Variants in ZSCAN5A observed in about 807,000 individuals in gnomAD.
ZSCAN5A encodes zinc finger and SCAN domain containing 5A.
Under a neutral mutation model 23.7 loss-of-function variants are expected in ZSCAN5A, and 12 were observed. The ratio of observed to expected loss-of-function variants is 0.51; its 90% confidence interval spans 0.32 to 0.82. The LOEUF is 0.82. Among genes scored for constraint, ZSCAN5A ranks in the 40% least tolerant of loss-of-function variants. The pLI is 0.03. For synonymous variants in ZSCAN5A, 257 were observed against 239.9 expected (o/e 1.07, Z -0.66); for missense variants, 597 against 617.9 (o/e 0.97, Z 0.36).
intron 2 of ZSCAN5A, chr19:56,322,314 CT>C: frequency 1.1e-6 from 1 of 927,952 alleles, no homozygotes; most frequent in Non-Finnish European, 1.8e-6. Context: ...AAGGCCATTT[CT>C]TAGCCTGAGG....
intron 2 of ZSCAN5A, among the ~76,000 whole-genome samples, chr19:56,231,991 C>CTTTTGTTTTTT (rs1357492276): frequency 2.9e-5 from 1 of 34,340 alleles, no homozygotes; most frequent in Non-Finnish European, 6.1e-5. Context: ...TTCTTTTTTT[C>CTTTTGTTTTTT]TTTTCTTTTT....
chr19:56,271,940 T>G (rs1457695852), intron 2 of ZSCAN5A, among the ~76,000 whole-genome samples: 3 of 152,216 alleles, frequency 2.0e-5, no homozygotes, highest in Non-Finnish European at 4.4e-5. Context: ...AAACAGTTAG[T>G]TCCCTGTGGC....
chr19:56,289,226 T>G (rs909409784), intron 2 of ZSCAN5A, among the ~76,000 whole-genome samples: 1 of 152,222 alleles, frequency 6.6e-6, no homozygotes, highest in African/African-American at 2.4e-5. Context: ...TCCTAAATTT[T>G]AGTAATTGTC....
chr19:56,231,991 C>CTTTTA (rs1357492276), intron 2 of ZSCAN5A, among the ~76,000 whole-genome samples: 1 of 34,340 alleles, frequency 2.9e-5, no homozygotes, highest in African/African-American at 1.2e-4. Flanking sequence ...TTCTTTTTTT[C>CTTTTA]TTTTCTTTTT....
rs556611495 is a variant in ZSCAN5A, at chr19:56,311,063, T to C, written c.-128+2220A>G. ...TTAAAACATAAAATTGTACAGGCAT[T>C]TGCTAATCTTTTGATATAAGACCAG... On this transcript the variant is annotated intron_variant, in intron 2 of 5. Coordinates refer to ENST00000683990, the MANE Select transcript of ZSCAN5A (RefSeq NM_001322064.3). Among the ~76,000 whole-genome samples, 3 of 152,342 alleles carry C rather than the reference T, an allele frequency of 2.0e-5. No homozygotes were observed. The East Asian group carries it at 5.8e-4, about 29-fold the overall frequency.
intron 2 of ZSCAN5A, among the ~76,000 whole-genome samples, chr19:56,340,551 G>A (rs1344105378): frequency 6.6e-6 from 1 of 152,224 alleles, no homozygotes; most frequent in East Asian, 1.9e-4. Context: ...TACAGCTAGA[G>A]AAATCTCAAA....
At chr19:56,338,639 GGAT>G (rs1271334863) in intron 2 of ZSCAN5A, 2 of 152,180 alleles carry the variant, frequency 1.3e-5, no homozygotes, top group Admixed American at 1.3e-4. Flanking sequence ...CCATTACACT[GGAT>G]GATGATTATA....
chr19:56,247,069 G>A lies in ZSCAN5A; in HGVS notation c.-127-21896C>T, dbSNP rs61742082. 1.3e-3 allele frequency: 986 copies of A among 759,034 alleles called. 13 individuals carry two copies. The African/African-American group carries it at 0.015, about 11-fold the overall frequency. The allele number at this position is 759,034 out of a possible 1,614,324, so 47.0% of individuals were successfully genotyped here. ...GGAACTGCTGCCCTTTGCATGTGGCGTGTGCAATAAGAGGTTTACGTGTAA... is the reference window on the plus strand; with the variant it reads ...GGAACTGCTGCCCTTTGCATGTGGCATGTGCAATAAGAGGTTTACGTGTAA... On this transcript the variant is annotated intron_variant, in intron 2 of 5. Coordinates refer to ENST00000683990, the MANE Select transcript of ZSCAN5A (RefSeq NM_001322064.3).
chr19:56,314,013 G>A (rs1198185934), intron 1 of ZSCAN5A, among the ~76,000 whole-genome samples: 1 of 152,166 alleles, frequency 6.6e-6, no homozygotes, highest in Admixed American at 6.5e-5. Flanking sequence ...CAGGAGCTAG[G>A]GGCTGGAGAG....
chr19:56,359,449 CA>C lies in ZSCAN5A; in HGVS notation c.-358+3785del, dbSNP rs768876419. 1.1e-3 allele frequency among the ~76,000 whole-genome samples: 160 copies of C among 151,954 alleles called. 1 individual carries two copies. The highest frequency in any genetic ancestry group is 1.6e-3 in the Non-Finnish European group (107 of 67,936). On this transcript the variant is annotated intron_variant, in intron 2 of 6. Transcript: ENST00000587340. Reference sequence around the variant, plus strand: ...AGGCAGTAATTAATAACCTACAAACCAAAAAAAGCCCAGGACCAGATGGATT... The same window carrying C: ...AGGCAGTAATTAATAACCTACAAACCAAAAAAGCCCAGGACCAGATGGATT...
intron 2 of ZSCAN5A, chr19:56,284,299 G>C: frequency 2.7e-6 from 1 of 377,292 alleles, no homozygotes; most frequent in Non-Finnish European, 3.7e-6. Flanking sequence ...GGGTTAGATT[G>C]TGTGTATTCA....
At chr19:56,268,070 T>A (rs2037596378) in intron 2 of ZSCAN5A, among the ~76,000 whole-genome samples, 1 of 152,156 alleles carries the variant, frequency 6.6e-6, no homozygotes, top group African/African-American at 2.4e-5. Context: ...CATTGCTCCC[T>A]TATCTGTTTA....
chr19:56,286,907 C>T (rs1443149916), intron 2 of ZSCAN5A, among the ~76,000 whole-genome samples: 1 of 152,270 alleles, frequency 6.6e-6, no homozygotes, highest in African/African-American at 2.4e-5. Flanking sequence ...CCTGGCTCCA[C>T]TATTTACCAG....
At chr19:56,254,122 A>G (rs2036541419) in intron 2 of ZSCAN5A, among the ~76,000 whole-genome samples, 1 of 151,182 alleles carries the variant, frequency 6.6e-6, no homozygotes, top group Admixed American at 6.6e-5. Context: ...TTGGTGGTTC[A>G]TATGATGGTT....
upstream of ZSCAN5A, chr19:56,314,911 G>C (rs1442373660): frequency 6.6e-6 from 1 of 152,256 alleles, no homozygotes; most frequent in East Asian, 1.9e-4. Context: ...CTTGCTCAGA[G>C]GGCTGAACTA....
At chr19:56,341,272 G>A (rs900744753) in intron 2 of ZSCAN5A, 17 of 152,068 alleles carry the variant, frequency 1.1e-4, no homozygotes, top group Non-Finnish European at 1.0e-4. Flanking sequence ...TGAAAAGACC[G>A]AACTACAGTT....
At chr19:56,292,789 G>A (rs2039605992) in intron 2 of ZSCAN5A, among the ~76,000 whole-genome samples, 1 of 152,184 alleles carries the variant, frequency 6.6e-6, no homozygotes, top group African/African-American at 2.4e-5. Context: ...GAGGATTCTA[G>A]GTACCTCATA....
intron 2 of ZSCAN5A, among the ~76,000 whole-genome samples, chr19:56,362,124 C>T (rs2041737563): frequency 6.8e-6 from 1 of 146,668 alleles, no homozygotes; most frequent in Admixed American, 6.9e-5. Context: ...TGCCACTGCA[C>T]TCTAGCCTGG....
intron 2 of ZSCAN5A, chr19:56,338,601 G>C (rs1260814588): frequency 6.6e-6 from 1 of 152,244 alleles, no homozygotes; most frequent in Admixed American, 6.5e-5. Context: ...AATAGCTCAA[G>C]ACACAGTAGA....
Sources: allele counts gnomAD v4.1 joint callset (sites outside exome capture counted in the v4.1 genomes callset), GRCh38; gene constraint gnomAD v4.1.1; transcripts MANE v1.5; gene names NCBI Gene and HGNC (gene_info 2026-07-23, HGNC 2026-07-21).